The following EPC2 variants were observed in gnomAD, a reference collection of about 807,000 sequenced individuals.
The protein encoded by EPC2 is enhancer of polycomb 2, also known as enhancer of polycomb homolog 2.
Under a neutral mutation model 92.1 loss-of-function variants are expected in EPC2, and 14 were observed. That is an observed-to-expected ratio of 0.15 (90% CI 0.10 to 0.24). The LOEUF (loss-of-function observed/expected upper bound fraction) is 0.24. Among genes scored for constraint, EPC2 ranks in the 10% least tolerant of loss-of-function variants. EPC2 has a pLI of 1.00. For missense variants in EPC2, 755 were observed against 971.5 expected (o/e 0.78, Z 2.96); for synonymous variants, 340 against 334.7 (o/e 1.02, Z -0.17).
At chr2:148,756,603 C>G (rs1162314850) in intron 4 of EPC2, among the ~76,000 whole-genome samples, 1 of 152,158 alleles carries the variant, frequency 6.6e-6, no homozygotes, top group African/African-American at 2.4e-5. Flanking sequence ...GTGAATACTT[C>G]AGGGCATTCT....
intron 1 of EPC2, among the ~76,000 whole-genome samples, chr2:148,674,367 T>G (rs1183554479): frequency 6.6e-6 from 1 of 151,900 alleles, no homozygotes; most frequent in African/African-American, 2.4e-5. Flanking sequence ...GTGCTTCAAG[T>G]CAGGAAGACA....
intron 10 of EPC2, among the ~76,000 whole-genome samples, chr2:148,777,980 A>G (rs771532630): frequency 2.6e-5 from 4 of 152,216 alleles, no homozygotes; most frequent in Non-Finnish European, 4.4e-5. Context: ...TTGGGTATAT[A>G]AAAGGGAAAA....
At chr2:148,651,621 C>G (rs1680686997) in intron 1 of EPC2, among the ~76,000 whole-genome samples, 1 of 151,944 alleles carries the variant, frequency 6.6e-6, no homozygotes, top group Non-Finnish European at 1.5e-5. Flanking sequence ...GTTTCTAGTT[C>G]TGGTTGTCAT....
chr2:148,654,594 G>C (rs1680751292), intron 1 of EPC2, among the ~76,000 whole-genome samples: 1 of 152,146 alleles, frequency 6.6e-6, no homozygotes, highest in South Asian at 2.1e-4. Flanking sequence ...GGAATTCAAG[G>C]CTGCAGTGAA....
chr2:148,731,494 C>T (rs973999834), intron 2 of EPC2, among the ~76,000 whole-genome samples: 1 of 152,150 alleles, frequency 6.6e-6, no homozygotes, highest in East Asian at 1.9e-4. Flanking sequence ...CCTCCGCCTC[C>T]GGGGTTCAAG....
At chr2:148,742,521 G>T (rs1558826572) in intron 2 of EPC2, among the ~76,000 whole-genome samples, 1 of 152,100 alleles carries the variant, frequency 6.6e-6, no homozygotes, top group Non-Finnish European at 1.5e-5. Flanking sequence ...GGAAGGCCGA[G>T]GCAGACAGAT....
intron 1 of EPC2, among the ~76,000 whole-genome samples, chr2:148,651,111 TAAAG>T (rs1329946106): frequency 6.6e-6 from 1 of 152,210 alleles, no homozygotes; most frequent in Admixed American, 6.5e-5. Context: ...TTGCATGTCA[TAAAG>T]AAGGCTTCTT....
At chr2:148,713,908 T>A (rs1558817887) in intron 2 of EPC2, among the ~76,000 whole-genome samples, 2 of 152,298 alleles carry the variant, frequency 1.3e-5, no homozygotes, top group Middle Eastern at 3.4e-3. Flanking sequence ...TTCTTTTTTA[T>A]TTCTTGATTG....
intron 12 of EPC2, 28 bp downstream of exon 12, chr2:148,783,784 A>G: frequency 1.9e-6 from 3 of 1,563,292 alleles, no homozygotes; most frequent in Non-Finnish European, 2.6e-6. Flanking sequence ...CATGGTACCT[A>G]CTTTCTTGAA....
chr2:148,697,851 A>G (rs1681782302), intron 2 of EPC2, among the ~76,000 whole-genome samples: 1 of 152,178 alleles, frequency 6.6e-6, no homozygotes, highest in South Asian at 2.1e-4. Context: ...TGCAAGTCCA[A>G]CCTATCTTTG....
At chr2:148,730,414 G>A (rs1682593511) in intron 2 of EPC2, among the ~76,000 whole-genome samples, 1 of 152,206 alleles carries the variant, frequency 6.6e-6, no homozygotes, top group East Asian at 1.9e-4. Context: ...GTATTTCACA[G>A]TTACCACAAG....
intron 10 of EPC2, among the ~76,000 whole-genome samples, chr2:148,778,562 A>C (rs1683691973): frequency 7.1e-6 from 1 of 140,454 alleles, no homozygotes; most frequent in Admixed American, 7.0e-5. Context: ...CAGTAAGTAA[A>C]CCCTGAGAAC....
chr2:148,780,853 A>T (rs981039211), intron 10 of EPC2, among the ~76,000 whole-genome samples: 1 of 152,196 alleles, frequency 6.6e-6, no homozygotes, highest in East Asian at 1.9e-4. Context: ...AAATCAACTT[A>T]TCAGTGATCT....
chr2:148,777,953 C>T (rs35003261), intron 10 of EPC2, among the ~76,000 whole-genome samples: 28,170 of 152,074 alleles, frequency 0.19, 3,340 homozygotes, highest in East Asian at 0.49. Context: ...ATGTTACTAA[C>T]GTCCTGAATG....
chr2:148,664,595 T>C (rs561569176), intron 1 of EPC2, among the ~76,000 whole-genome samples: 2 of 152,346 alleles, frequency 1.3e-5, no homozygotes, highest in East Asian at 3.9e-4. Flanking sequence ...GTGTTACACC[T>C]GTTTTCATAG....
At chr2:148,725,570 C>A (rs1682477755) in intron 2 of EPC2, among the ~76,000 whole-genome samples, 2 of 152,034 alleles carry the variant, frequency 1.3e-5, no homozygotes, top group Admixed American at 1.3e-4. Flanking sequence ...ATCTGTTGAC[C>A]TCATGCATAA....
intron 1 of EPC2, among the ~76,000 whole-genome samples, chr2:148,660,216 GGTTT>G (rs1238555552): frequency 6.6e-6 from 1 of 151,902 alleles, no homozygotes; most frequent in African/African-American, 2.4e-5. Context: ...GAGAAAGAGA[GGTTT>G]GTTTTTTAAA....
chr2:148,659,783 G>A (rs1329440569), intron 1 of EPC2, among the ~76,000 whole-genome samples: 2 of 152,108 alleles, frequency 1.3e-5, no homozygotes, highest in Non-Finnish European at 2.9e-5. Context: ...TTTAGAAACA[G>A]TGGCATAAAT....
intron 2 of EPC2, among the ~76,000 whole-genome samples, chr2:148,691,201 A>G (rs1360890381): frequency 2.0e-5 from 3 of 152,118 alleles, no homozygotes; most frequent in Non-Finnish European, 4.4e-5. Context: ...TCCTGTCCCT[A>G]TACTCTTCTA....
Sources: allele counts gnomAD v4.1 joint callset (sites outside exome capture counted in the v4.1 genomes callset), GRCh38; gene constraint gnomAD v4.1.1; transcripts MANE v1.5; gene names NCBI Gene and HGNC (gene_info 2026-07-23, HGNC 2026-07-21).